NR5A2: variants seen among roughly 807,000 people sequenced by gnomAD.
The protein encoded by NR5A2 is CYP7A promoter-binding factor.
Under a neutral mutation model 62.7 loss-of-function variants are expected in NR5A2, and 26 were observed. The ratio of observed to expected loss-of-function variants is 0.41; its 90% CI spans 0.30 to 0.58. NR5A2 has a LOEUF of 0.58. Among genes scored for constraint, NR5A2 ranks in the 20% least tolerant of loss-of-function variants. The pLI, the probability that NR5A2 is intolerant of heterozygous loss-of-function variation, is 0.22. For synonymous variants in NR5A2, 246 were observed against 241.7 expected (o/e 1.02, Z -0.16); for missense variants, 541 against 669.1 (o/e 0.81, Z 2.11).
At chr1:200,127,730 ATG>A (rs1558155363) in intron 7 of NR5A2, among the ~76,000 whole-genome samples, 1 of 113,186 alleles carries the variant, frequency 8.8e-6, no homozygotes, top group East Asian at 2.8e-4. Flanking sequence ...ATATATATAT[ATG>A]GTATCCATCA....
intron 7 of NR5A2, among the ~76,000 whole-genome samples, chr1:200,143,744 C>T (rs543651062): frequency 2.0e-5 from 3 of 150,430 alleles, no homozygotes; most frequent in South Asian, 4.2e-4. Flanking sequence ...CGAGTTCAAG[C>T]GATTCTCCTG....
intron 6 of NR5A2, 96 bp from the exon 7 acceptor site, chr1:200,120,712 G>A (rs1326906661): frequency 7.1e-6 from 9 of 1,273,662 alleles, no homozygotes; most frequent in Admixed American, 2.8e-5. Context: ...TTAAAAACCT[G>A]TATTGCAATC....
At position 200,034,783 on chromosome 1, in the gene NR5A2, CTTTTTTTTTTTT is replaced by C. The variant is rs767393832; in HGVS notation, c.65-4855_65-4844del. Among the ~76,000 whole-genome samples the C allele has an allele frequency of 3.8e-3, 273 of 71,298 alleles. 2 individuals carry two copies. The East Asian group carries it at 0.038, about 10-fold the overall frequency. The allele number at this position is 71,298 out of a possible 152,430, so 46.8% of individuals were successfully genotyped here. A position where few individuals can be genotyped will look rare whatever the true frequency, so the allele number is the denominator to read the frequency against. On this transcript the variant is annotated intron_variant, in intron 1 of 7. Transcript: ENST00000367362. Reference sequence around the variant, plus strand: ...GTTATTCACACGTGCAGCAGAAAGGCTTTTTTTTTTTTTTTTTTTTTTTTTTTTTTTAAACAA... The same window carrying C: ...GTTATTCACACGTGCAGCAGAAAGGCTTTTTTTTTTTTTTTTTTTAAACAA...
chr1:200,143,638 ATTTTTTT>A lies in NR5A2; in HGVS notation c.1378+22699_1378+22705del, dbSNP rs11285826. Among the ~76,000 whole-genome samples the A allele has an allele frequency of 2.9e-5, 3 of 103,298 alleles. No homozygotes were observed. The Admixed American group carries it at 3.4e-4, about 12-fold the overall frequency. 67.8% of individuals were successfully genotyped at this position (103,298 alleles called of 152,430 possible). A position where few individuals can be genotyped will look rare whatever the true frequency, so the allele number is the denominator to read the frequency against. ...CACTGGACTCCAGCTATTGTTCATA[ATTTTTTT>A]TTTTTTTTTTTTTTTGAGATGGAGT... On this transcript the variant is annotated intron_variant, in intron 7 of 7. Transcript: ENST00000367362.
At chr1:200,083,301 A>G (rs1007252632) in intron 5 of NR5A2, among the ~76,000 whole-genome samples, 2 of 152,224 alleles carry the variant, frequency 1.3e-5, no homozygotes, top group Admixed American at 1.3e-4. Flanking sequence ...AATTCATTTC[A>G]TCCTAAAAAG....
chr1:200,176,827 C>T lies in NR5A2; in HGVS notation c.*2617C>T, dbSNP rs1654443433. The T allele has an allele frequency of 6.6e-6, 1 of 152,078 alleles. No individual in the cohort carries two copies. Among genetic ancestry groups the T allele is most frequent in the Non-Finnish European group, 1.5e-5 (1 of 68,018 alleles). The allele number at this position is 152,078 out of a possible 1,614,324, so 9.4% of individuals were successfully genotyped here. A position where few individuals can be genotyped will look rare whatever the true frequency, so the allele number is the denominator to read the frequency against. Reference sequence around the variant, plus strand: ...TACGTTGACTCTTAAAATCTATGTTCTCTTATTTTAAAGATACAGTGCTCC... The same window carrying T: ...TACGTTGACTCTTAAAATCTATGTTTTCTTATTTTAAAGATACAGTGCTCC... On this transcript the variant is annotated 3_prime_UTR_variant, in exon 8 of 8. Coordinates refer to ENST00000367362, the MANE Select transcript of NR5A2 (RefSeq NM_205860.3).
At chr1:200,140,203 T>G (rs1006505586) in intron 7 of NR5A2, among the ~76,000 whole-genome samples, 1 of 152,018 alleles carries the variant, frequency 6.6e-6, no homozygotes, top group African/African-American at 2.4e-5. Context: ...TCTGTGTAGA[T>G]TATTTCTTTT....
At chr1:200,165,421 G>A (rs560678677) in intron 7 of NR5A2, among the ~76,000 whole-genome samples, 1 of 152,216 alleles carries the variant, frequency 6.6e-6, no homozygotes, top group South Asian at 2.1e-4. Context: ...TATGGATTTG[G>A]ACACACGTAA....
At chr1:200,086,230 C>T (rs1664519654) in intron 5 of NR5A2, among the ~76,000 whole-genome samples, 1 of 152,080 alleles carries the variant, frequency 6.6e-6, no homozygotes, top group Non-Finnish European at 1.5e-5. Context: ...TCAAACAAGC[C>T]TTATTTATGC....
chr1:200,064,624 T>A (rs1663386057), intron 5 of NR5A2, among the ~76,000 whole-genome samples: 1 of 152,134 alleles, frequency 6.6e-6, no homozygotes, highest in Non-Finnish European at 1.5e-5. Flanking sequence ...TGGAAAAACT[T>A]AAGCATCGGG....
chr1:200,149,600 T>C (rs1174562252), intron 7 of NR5A2, among the ~76,000 whole-genome samples: 1 of 152,190 alleles, frequency 6.6e-6, no homozygotes, highest in Admixed American at 6.5e-5. Flanking sequence ...GAAAGGCCCA[T>C]GCACAAAGGA....
At chr1:200,097,243 A>T (rs878865913) in intron 5 of NR5A2, among the ~76,000 whole-genome samples, 1 of 152,102 alleles carries the variant, frequency 6.6e-6, no homozygotes, top group Non-Finnish European at 1.5e-5. Context: ...AACCTTTGTC[A>T]GAATATTATT....
intron 5 of NR5A2, among the ~76,000 whole-genome samples, chr1:200,110,387 A>G (rs1394360825): frequency 6.6e-6 from 1 of 152,230 alleles, no homozygotes; most frequent in East Asian, 1.9e-4. Context: ...ACTGGACATG[A>G]GACAGATGTG....
At chr1:200,072,529 C>T (rs1254547539) in intron 5 of NR5A2, among the ~76,000 whole-genome samples, 1 of 152,046 alleles carries the variant, frequency 6.6e-6, no homozygotes, top group Non-Finnish European at 1.5e-5. Context: ...ATACCCCTAC[C>T]CACCATTGAA....
chr1:200,061,275 C>CTTTTTT (rs35232000), intron 5 of NR5A2, among the ~76,000 whole-genome samples: 1 of 122,846 alleles, frequency 8.1e-6, no homozygotes, highest in East Asian at 2.3e-4. Flanking sequence ...TCGGGATTAA[C>CTTTTTT]TTTTTTTTTT....
Position 200,127,692 on chromosome 1 carries a change from AAAAAAAAAAAAAAAAAAATAT to A in NR5A2, c.1378+6739_1378+6759del, listed in dbSNP as rs1190213816. On this transcript the variant is annotated intron_variant, in intron 7 of 7. Transcript: ENST00000367362. ...ACTCTGTCTCAAAAAAAAAAAAAAA[AAAAAAAAAAAAAAAAAAATAT>A]ATATATATATATATATATGGTATCC... Among the ~76,000 whole-genome samples, 8 of 95,762 alleles carry A rather than the reference AAAAAAAAAAAAAAAAAAATAT, an allele frequency of 8.4e-5. 1 individual carries two copies. Among genetic ancestry groups the A allele is most frequent in the African/African-American group, 1.1e-4 (3 of 26,376 alleles). The allele number at this position is 95,762 out of a possible 152,430, so 62.8% of individuals were successfully genotyped here.
Position 200,048,810 on chromosome 1 carries a change from G to C in NR5A2, c.1102G>C (p.Glu368Gln). The change falls in exon 5 of 8, where the codon GAA (glutamate) becomes CAA (glutamine). Residue 368 changes from glutamate (E) to glutamine (Q), a missense_variant. Physicochemically the swap from Glu to Gln is conservative, Grantham distance 29 (BLOSUM62 2). Coordinates refer to ENST00000367362, the MANE Select transcript of NR5A2 (RefSeq NM_205860.3). This position sits in a 1 kb window ranked among gnomAD's most constrained non-coding sequence, Gnocchi z 4.8. ...EWARSSIFFR[E>Q]LKVDDQMKLL... ...GGCCAGGAGTAGTATCTTCTTCAGA[G>C]AACTTAAGGTATGCCACCAGCTATT... 1 of 1,613,538 alleles carries C rather than the reference G, an allele frequency of 6.2e-7. No individual in the cohort carries two copies. The highest frequency in any genetic ancestry group is 8.5e-7 in the Non-Finnish European group (1 of 1,179,448).
intron 7 of NR5A2, among the ~76,000 whole-genome samples, chr1:200,151,608 C>T (rs929935139): frequency 6.6e-6 from 1 of 152,158 alleles, no homozygotes; most frequent in Non-Finnish European, 1.5e-5. Context: ...GTATCATATT[C>T]TACATGGAAG....
chr1:200,142,852 ATATC>A (rs1667507201), intron 7 of NR5A2, among the ~76,000 whole-genome samples: 1 of 151,734 alleles, frequency 6.6e-6, no homozygotes, highest in Non-Finnish European at 1.5e-5. Context: ...TATGGCACTG[ATATC>A]TTTCTTTTTA....
Sources: gnomAD v4.1 joint callset for allele counts (sites outside exome capture counted in the v4.1 genomes callset) on GRCh38, gnomAD v4.1.1 for gene constraint, Gnocchi (gnomAD v3.1) non-coding constraint, MANE v1.5 for transcripts, NCBI Gene and HGNC (gene_info 2026-07-23, HGNC 2026-07-21) for gene names.